ULK4: variants seen among roughly 807,000 people sequenced by gnomAD.
ULK4 encodes unc-51 like kinase 4.
ULK4 carries 133 observed loss-of-function variants against 160.6 expected under a neutral mutation model. The observed-to-expected ratio is 0.83, with a 90% CI of 0.72 to 0.96. ULK4 has a LOEUF of 0.96. ULK4 is among the 40% of genes least tolerant of loss of function. ULK4 has a pLI of 0.00. For synonymous variants in ULK4, 534 were observed against 539.8 expected, an observed-to-expected ratio of 0.99 and a Z score of 0.15; for missense variants, 1,580 against 1,499.5, an observed-to-expected ratio of 1.05 and a Z score of -0.89.
chr3:41,548,630 C>G (rs1298898183), intron 32 of ULK4, among the ~76,000 whole-genome samples: 1 of 152,070 alleles, frequency 6.6e-6, no homozygotes, highest in Admixed American at 6.5e-5. Context: ...TTGCAGATGC[C>G]ATGTACACTA....
chr3:41,882,203 C>T (rs1339916783), intron 17 of ULK4: 1 of 703,004 alleles, frequency 1.4e-6, no homozygotes, highest in Non-Finnish European at 2.6e-6. Flanking sequence ...TCTATACATA[C>T]ACAAGGCACT....
chr3:41,941,977 C>T (rs762198437), intron 2 of ULK4, among the ~76,000 whole-genome samples: 1 of 151,966 alleles, frequency 6.6e-6, no homozygotes, highest in Non-Finnish European at 1.5e-5. Flanking sequence ...CATCATTCAA[C>T]ATACGCCCCA....
In ULK4 at chr3:41,900,773, G is replaced by C. The variant is rs1174905219; in HGVS notation, c.1239C>G (p.Ile413Met). 1 of 1,613,802 alleles carries C rather than the reference G, an allele frequency of 6.2e-7. No homozygotes were observed. The highest frequency in any genetic ancestry group is 1.7e-5 in the Admixed American group (1 of 59,988). Residue 413 changes from isoleucine to methionine, a missense_variant, in exon 13 of 37, where the codon ATC becomes ATG. Transcript: ENST00000301831. ...TGACAACAAGATCTGAGTCCGTGTA[G>C]ATAAGCTCTCTCATCTGGGATTCCA... is the stretch of plus-strand genomic sequence containing the variant. ...QDLESQMREL[I>M]YTDSDLVVTP...
At chr3:41,653,169 C>T (rs926549611) in intron 30 of ULK4, among the ~76,000 whole-genome samples, 21 of 152,166 alleles carry the variant, frequency 1.4e-4, no homozygotes, top group African/African-American at 3.6e-4. Flanking sequence ...CAACCACCTC[C>T]GTTACTGAGC....
intron 25 of ULK4, among the ~76,000 whole-genome samples, chr3:41,708,189 TA>T (rs2036971969): frequency 6.6e-6 from 1 of 151,930 alleles, no homozygotes; most frequent in Non-Finnish European, 1.5e-5. Flanking sequence ...TATATATATA[TA>T]TTTCCAAAGG....
At chr3:41,750,551 G>A (rs1231965446) in intron 22 of ULK4, among the ~76,000 whole-genome samples, 4 of 151,996 alleles carry the variant, frequency 2.6e-5, no homozygotes, top group African/African-American at 7.3e-5. Flanking sequence ...TTAATATTGC[G>A]TTTCAAAGCA....
chr3:41,837,527 C>T (rs1233883852), intron 17 of ULK4, among the ~76,000 whole-genome samples: 1 of 151,470 alleles, frequency 6.6e-6, no homozygotes, highest in Non-Finnish European at 1.5e-5. Flanking sequence ...CAGCATAATG[C>T]ATTTGAGATT....
rs368333143 is a variant in ULK4 at position 41,295,188 on chromosome 3, C to CAACCTTTTAG, written c.3679-45615_3679-45614insCTAAAAGGTT. Among the ~76,000 whole-genome samples, 156 of 136,692 alleles carry CAACCTTTTAG rather than the reference C, an allele frequency of 1.1e-3. 2 individuals are homozygous for CAACCTTTTAG. The highest frequency in any genetic ancestry group is 3.9e-3 in the Middle Eastern group (1 of 256). 89.7% of individuals were successfully genotyped at this position (136,692 alleles called of 152,430 possible). A position where few individuals can be genotyped will look rare whatever the true frequency, so the allele number is the denominator to read the frequency against. The stretch of plus-strand genomic sequence containing the variant: ...TCTTTGATGAAGAGCAAAGGCAAAA[C>CAACCTTTTAG]AATGGAGCAAACATAGTTTTTTCAA... On this transcript the variant is annotated intron_variant, in intron 35 of 36. Coordinates refer to ENST00000301831, the MANE Select transcript of ULK4 (RefSeq NM_017886.4).
At chr3:41,430,824 C>T (rs987317037) in intron 34 of ULK4, among the ~76,000 whole-genome samples, 1 of 151,816 alleles carries the variant, frequency 6.6e-6, no homozygotes, top group African/African-American at 2.4e-5. Flanking sequence ...ATTAAATATC[C>T]ACATTATTAA....
chr3:41,936,381 G>A lies in ULK4; in HGVS notation c.239-441C>T, dbSNP rs963052265. On this transcript the variant is annotated intron_variant, in intron 3 of 36. Coordinates refer to ENST00000301831, the MANE Select transcript of ULK4 (RefSeq NM_017886.4). ...AACAGATAATCACAACCCTTAGCAC[G>A]CGCCATTGATGAAATAAAAGGCCAA... Among the ~76,000 whole-genome samples the A allele has an allele frequency of 1.3e-5, 2 of 152,050 alleles. 1 individual carries two copies. The highest frequency in any genetic ancestry group is 4.8e-5 in the African/African-American group (2 of 41,394).
chr3:41,530,209 AAT>A (rs1467248108), intron 32 of ULK4, among the ~76,000 whole-genome samples: 42 of 152,348 alleles, frequency 2.8e-4, no homozygotes, highest in African/African-American at 7.0e-4. Context: ...TTTCTAATGA[AAT>A]ATGTTTTTTC....
In ULK4 at chr3:41,357,508, G is replaced by A. The variant is rs141452813; in HGVS notation, c.3678+40571C>T. ...AGATTGCATGTGGTCTGCTTCCCGC[G>A]GTGTCAGTTTCTGAGAGTGGGACAC... is the stretch of plus-strand genomic sequence containing the variant. On this transcript the variant is annotated intron_variant, in intron 35 of 36. Coordinates refer to ENST00000301831, the MANE Select transcript of ULK4 (RefSeq NM_017886.4). 4.7e-4 allele frequency among the ~76,000 whole-genome samples: 72 copies of A among 152,242 alleles called. No individual in the cohort carries two copies. The East Asian group carries it at 0.011, about 24-fold the overall frequency.
chr3:41,953,580 A>G (rs1369545442), intron 2 of ULK4, among the ~76,000 whole-genome samples: 3 of 151,842 alleles, frequency 2.0e-5, no homozygotes, highest in Non-Finnish European at 4.4e-5. Context: ...AAAAATATAT[A>G]TATTTTTTAA....
At chr3:41,579,485 ATTTTTTTTTT>A (rs59650826) in intron 31 of ULK4, among the ~76,000 whole-genome samples, 16 of 85,180 alleles carry the variant, frequency 1.9e-4, no homozygotes, top group African/African-American at 4.8e-4. Flanking sequence ...TGGAACTAAT[ATTTTTTTTTT>A]TTTTTTTTTT....
chr3:41,314,368 C>T (rs1405934235), intron 35 of ULK4, among the ~76,000 whole-genome samples: 1 of 152,138 alleles, frequency 6.6e-6, no homozygotes, highest in Non-Finnish European at 1.5e-5. Context: ...TCCCACCCAC[C>T]CTCCTTTTGG....
At chr3:41,536,351 C>G (rs1025342657) in intron 32 of ULK4, among the ~76,000 whole-genome samples, 1 of 138,742 alleles carries the variant, frequency 7.2e-6, no homozygotes, top group African/African-American at 2.8e-5. Context: ...ATTTCTGTTA[C>G]TAGACTAGGA....
chr3:41,572,877 C>T (rs376539111), intron 31 of ULK4, among the ~76,000 whole-genome samples: 9 of 152,028 alleles, frequency 5.9e-5, no homozygotes, highest in South Asian at 4.2e-4. Flanking sequence ...GTACTAGGGC[C>T]ACTATTAATA....
At chr3:41,504,478 C>A (rs2125918234) in intron 32 of ULK4, among the ~76,000 whole-genome samples, 1 of 152,270 alleles carries the variant, frequency 6.6e-6, no homozygotes, top group Non-Finnish European at 1.5e-5. Context: ...TTGACATATG[C>A]AAATATGGAA....
intron 17 of ULK4, among the ~76,000 whole-genome samples, chr3:41,856,529 ATATG>A (rs1248634360): frequency 1.2e-4 from 14 of 116,120 alleles, no homozygotes; most frequent in Non-Finnish European, 2.1e-4. Context: ...ATATATATAT[ATATG>A]TATGTATATA....
Sources: allele counts gnomAD v4.1 joint callset (sites outside exome capture counted in the v4.1 genomes callset), GRCh38; gene constraint gnomAD v4.1.1; transcripts MANE v1.5; gene names NCBI Gene and HGNC (gene_info 2026-07-23, HGNC 2026-07-21).